MAP2K4: variants seen among roughly 807,000 people sequenced by gnomAD.
MAP2K4 encodes dual specificity mitogen-activated protein kinase kinase 4.
Under a neutral mutation model 48.5 loss-of-function variants are expected in MAP2K4, and 4 were observed. The ratio of observed to expected loss-of-function variants is 0.08; its 90% CI spans 0.04 to 0.19. The LOEUF is 0.19. Ranked by LOEUF, MAP2K4 falls within the 10% of genes least tolerant of loss-of-function variation. The pLI, the probability that MAP2K4 is intolerant of heterozygous loss-of-function variation, is 1.00. For missense variants in MAP2K4, 258 were observed against 493.3 expected (o/e 0.52, Z 4.52); for synonymous variants, 166 against 173.1 (o/e 0.96, Z 0.32).
intron 4 of MAP2K4, among the ~76,000 whole-genome samples, chr17:12,106,764 A>G (rs972852628): frequency 3.9e-5 from 6 of 152,142 alleles, no homozygotes; most frequent in Admixed American, 1.3e-4. Flanking sequence ...TCATCTGTGT[A>G]TCCTGTACTT....
At chr17:12,138,701 C>G (rs112864383) in intron 9 of MAP2K4, among the ~76,000 whole-genome samples, 1 of 151,886 alleles carries the variant, frequency 6.6e-6, no homozygotes, top group Admixed American at 6.6e-5. Flanking sequence ...GCTTTTGAGA[C>G]AGAGATAAGA....
At chr17:12,101,158 A>T (rs1424126827) in intron 4 of MAP2K4, among the ~76,000 whole-genome samples, 3 of 152,132 alleles carry the variant, frequency 2.0e-5, no homozygotes, top group African/African-American at 7.2e-5. Flanking sequence ...ATTATCTCTT[A>T]TGTATTCTCC....
intron 7 of MAP2K4, among the ~76,000 whole-genome samples, chr17:12,122,945 G>C (rs1244523704): frequency 6.6e-6 from 1 of 152,120 alleles, no homozygotes; most frequent in Non-Finnish European, 1.5e-5. Flanking sequence ...TGATTTTCAA[G>C]TATTAAGTTA....
chr17:12,050,586 TG>T lies in MAP2K4; in HGVS notation c.116-4302del, dbSNP rs1469300561. On this transcript the variant is annotated intron_variant, in intron 1 of 10. Coordinates refer to ENST00000353533, the MANE Select transcript of MAP2K4 (RefSeq NM_003010.4). Reference sequence around the variant, plus strand: ...TAGATTGCAGAGATTCCATAGATTTTGTATTGAGTAGTGGACTCTCAACTGC... The same window carrying T: ...TAGATTGCAGAGATTCCATAGATTTTTATTGAGTAGTGGACTCTCAACTGC... 6.8e-3 allele frequency among the ~76,000 whole-genome samples: 1,040 copies of T among 152,314 alleles called. 11 individuals carry two copies. Among genetic ancestry groups the T allele is most frequent in the African/African-American group, 0.024 (998 of 41,550 alleles).
At chr17:12,048,065 A>C (rs1970022714) in intron 1 of MAP2K4, among the ~76,000 whole-genome samples, 1 of 152,064 alleles carries the variant, frequency 6.6e-6, no homozygotes, top group South Asian at 2.1e-4. Context: ...ACAGGATCTC[A>C]CTATGTTGCC....
intron 4 of MAP2K4, among the ~76,000 whole-genome samples, chr17:12,099,164 C>G (rs1971854010): frequency 6.6e-6 from 1 of 150,946 alleles, no homozygotes; most frequent in Non-Finnish European, 1.5e-5. Flanking sequence ...CTTTCTGTTT[C>G]TGGTTTGTTT....
chr17:12,022,110 G>C (rs1969095316), intron 1 of MAP2K4, among the ~76,000 whole-genome samples: 1 of 152,134 alleles, frequency 6.6e-6, no homozygotes, highest in East Asian at 1.9e-4. Context: ...GTTACTTTTT[G>C]ATTCCATTCC....
At position 12,142,198 on chromosome 17, in the gene MAP2K4, G is replaced by T; in HGVS notation, c.*938G>T. On this transcript the variant is annotated 3_prime_UTR_variant, in exon 11 of 11. Coordinates refer to ENST00000353533, the MANE Select transcript of MAP2K4 (RefSeq NM_003010.4). ...TTGTAGCAGCTATATATTTCCCCTT[G>T]GTCCCAAGCCTGATACTTTAGCCAT... The T allele has an allele frequency of 4.3e-6, 1 of 233,478 alleles. No individual in the cohort carries two copies. The highest frequency in any genetic ancestry group is 1.8e-4 in the South Asian group (1 of 5,514). The allele number at this position is 233,478 out of a possible 1,614,324, so 14.5% of individuals were successfully genotyped here. A position where few individuals can be genotyped will look rare whatever the true frequency, so the allele number is the denominator to read the frequency against.
At chr17:12,138,657 G>T (rs1255293101) in intron 9 of MAP2K4, among the ~76,000 whole-genome samples, 4 of 152,110 alleles carry the variant, frequency 2.6e-5, no homozygotes, top group Admixed American at 2.6e-4. Context: ...TAACCCAGAA[G>T]AAGGATGTCA....
chr17:12,072,020 A>G (rs1272631643), intron 2 of MAP2K4, among the ~76,000 whole-genome samples: 4 of 152,224 alleles, frequency 2.6e-5, no homozygotes, highest in African/African-American at 7.2e-5. Flanking sequence ...TGAAGAATCA[A>G]ATAGTAGGCA....
intron 1 of MAP2K4, among the ~76,000 whole-genome samples, chr17:12,022,470 G>A (rs997902568): frequency 3.9e-5 from 6 of 152,116 alleles, no homozygotes; most frequent in Non-Finnish European, 7.4e-5. Context: ...TGGTTGGGGC[G>A]AAATGAAATG....
At chr17:12,062,241 G>C (rs1314121620) in intron 2 of MAP2K4, among the ~76,000 whole-genome samples, 1 of 151,846 alleles carries the variant, frequency 6.6e-6, no homozygotes, top group East Asian at 1.9e-4. Context: ...CTCTCATTTT[G>C]GTAGAGTATA....
intron 4 of MAP2K4, among the ~76,000 whole-genome samples, chr17:12,096,478 G>A (rs924158326): frequency 2.0e-5 from 3 of 152,070 alleles, no homozygotes; most frequent in South Asian, 2.1e-4. Context: ...ATCCTAGACC[G>A]CCATCAAAAA....
At chr17:12,064,522 A>ATACC (rs1480861528) in intron 2 of MAP2K4, among the ~76,000 whole-genome samples, 1 of 152,256 alleles carries the variant, frequency 6.6e-6, no homozygotes, top group Non-Finnish European at 1.5e-5. Context: ...CAAAAAGGTG[A>ATACC]TACCACTACA....
intron 7 of MAP2K4, 27 bp from the exon 8 acceptor site, chr17:12,125,267 T>G (rs150681192): frequency 1.3e-6 from 2 of 1,585,322 alleles, no homozygotes; most frequent in East Asian, 4.5e-5. Context: ...AGGCAATTAA[T>G]AACTTACACT....
intron 4 of MAP2K4, 136 bp downstream of exon 4, chr17:12,095,830 G>A (rs3730339): frequency 0.97 from 1,047,991 of 1,077,004 alleles, 514,508 homozygotes; most frequent in East Asian, 1. Context: ...TTTAACCATG[G>A]TAATTTACAT....
intron 1 of MAP2K4, among the ~76,000 whole-genome samples, chr17:12,049,446 T>G (rs1249881423): frequency 1.3e-5 from 2 of 152,230 alleles, no homozygotes; most frequent in Non-Finnish European, 2.9e-5. Flanking sequence ...CTTTCGCATG[T>G]GAGTAGTTGA....
chr17:12,130,034 G>A (rs1972974757), intron 9 of MAP2K4, among the ~76,000 whole-genome samples: 1 of 152,098 alleles, frequency 6.6e-6, no homozygotes, highest in Non-Finnish European at 1.5e-5. Flanking sequence ...TATAAGACAT[G>A]CTATGAACAA....
At chr17:12,100,252 C>T (rs552746997) in intron 4 of MAP2K4, among the ~76,000 whole-genome samples, 2 of 152,170 alleles carry the variant, frequency 1.3e-5, no homozygotes, top group Non-Finnish European at 2.9e-5. Flanking sequence ...TCTCAGATAA[C>T]CACTGACCTG....
Sources: allele counts gnomAD v4.1 joint callset (sites outside exome capture counted in the v4.1 genomes callset), GRCh38; gene constraint gnomAD v4.1.1; transcripts MANE v1.5; gene names NCBI Gene and HGNC (gene_info 2026-07-23, HGNC 2026-07-21).